Variants in RAB5A observed in about 807,000 individuals in gnomAD.
RAB5A encodes the protein RAB5A, member RAS oncogene family.
Under a neutral mutation model 25.7 loss-of-function variants are expected in RAB5A, and 8 were observed. The ratio of observed to expected loss-of-function variants is 0.31; its 90% confidence interval spans 0.18 to 0.56. The LOEUF (loss-of-function observed/expected upper bound fraction) is 0.56. Ranked by LOEUF, RAB5A falls within the 20% of genes least tolerant of loss-of-function variation. RAB5A has a pLI of 0.91. For synonymous variants in RAB5A, 98 were observed against 89.8 expected (o/e 1.09, Z -0.52); for missense variants, 192 against 259.7 (o/e 0.74, Z 1.79).
chr3:19,984,022 A>G lies in RAB5A; in HGVS notation c.*199A>G, dbSNP rs1408284360. The G allele has an allele frequency of 5.7e-6, 3 of 525,210 alleles. No homozygotes were observed. Among genetic ancestry groups the G allele is most frequent in the African/African-American group, 1.9e-5 (1 of 51,708 alleles). 32.5% of individuals were successfully genotyped at this position (525,210 alleles called of 1,614,324 possible). ...ATGGGTCCCTCTCACTAATGTTTCAACAATAGGGAAAAATGAGAACTATGT... is the reference window on the plus strand; with the variant it reads ...ATGGGTCCCTCTCACTAATGTTTCAGCAATAGGGAAAAATGAGAACTATGT... On this transcript the variant is annotated 3_prime_UTR_variant, in exon 6 of 6. Coordinates refer to ENST00000273047, the MANE Select transcript of RAB5A (RefSeq NM_004162.5).
At chr3:19,953,614 G>A (rs1182681657) in intron 2 of RAB5A, among the ~76,000 whole-genome samples, 2 of 152,084 alleles carry the variant, frequency 1.3e-5, no homozygotes, top group African/African-American at 4.8e-5. Context: ...CACCATGTCG[G>A]TCGGGTTGGT....
intron 2 of RAB5A, among the ~76,000 whole-genome samples, chr3:19,961,146 T>C (rs7627200): frequency 0.85 from 130,141 of 152,224 alleles, 56,819 homozygotes; most frequent in African/African-American, 0.91. Flanking sequence ...AGGACACTTA[T>C]AATAATTACT....
chr3:19,950,074 C>G (rs1421526394), intron 1 of RAB5A, among the ~76,000 whole-genome samples: 1 of 152,084 alleles, frequency 6.6e-6, no homozygotes, highest in Non-Finnish European at 1.5e-5. Flanking sequence ...GTATATTGTT[C>G]GTCTAAAGAC....
chr3:19,975,546 A>G (rs1279907035), intron 2 of RAB5A, 55 bp from the exon 3 acceptor site: 1 of 1,556,848 alleles, frequency 6.4e-7, no homozygotes, highest in East Asian at 2.3e-5. Context: ...TGTTTTCTAT[A>G]TTATGAAAAC....
intron 2 of RAB5A, among the ~76,000 whole-genome samples, chr3:19,973,978 A>G (rs908790149): frequency 1.3e-5 from 2 of 152,160 alleles, no homozygotes; most frequent in African/African-American, 4.8e-5. Flanking sequence ...CAGTTTTAGA[A>G]AATGGTAATT....
chr3:19,951,230 A>C, intron 2 of RAB5A, 169 bp downstream of exon 2: 1 of 638,130 alleles, frequency 1.6e-6, no homozygotes, highest in East Asian at 2.9e-5. Flanking sequence ...TGTTAAAATG[A>C]TGTGTTTTTA....
chr3:19,978,029 T>C (rs1211005301), intron 4 of RAB5A, among the ~76,000 whole-genome samples: 1 of 152,214 alleles, frequency 6.6e-6, no homozygotes, highest in Non-Finnish European at 1.5e-5. Flanking sequence ...CCCCCATCTC[T>C]GGAACTCAGT....
At chr3:19,948,635 A>G (rs1696370913) in intron 1 of RAB5A, among the ~76,000 whole-genome samples, 1 of 152,228 alleles carries the variant, frequency 6.6e-6, no homozygotes, top group East Asian at 1.9e-4. Context: ...TGCTAAGTGT[A>G]TATTTACCAT....
chr3:19,967,493 G>A (rs1033044083), intron 2 of RAB5A, among the ~76,000 whole-genome samples: 8 of 152,134 alleles, frequency 5.3e-5, no homozygotes, highest in African/African-American at 1.9e-4. Flanking sequence ...AGTTGTAGGA[G>A]TTCCTTACAT....
chr3:19,953,288 C>A (rs769211639), intron 2 of RAB5A, among the ~76,000 whole-genome samples: 2 of 152,068 alleles, frequency 1.3e-5, no homozygotes, highest in African/African-American at 2.4e-5. Flanking sequence ...ATATAATCTC[C>A]ATGTAACACC....
chr3:19,971,426 T>C (rs1202207672), intron 2 of RAB5A, among the ~76,000 whole-genome samples: 1 of 151,940 alleles, frequency 6.6e-6, no homozygotes, highest in Non-Finnish European at 1.5e-5. Flanking sequence ...CCCAAAATTA[T>C]GCTTTATCAT....
intron 2 of RAB5A, among the ~76,000 whole-genome samples, chr3:19,966,731 G>C (rs1298827869): frequency 1.3e-5 from 2 of 152,244 alleles, no homozygotes; most frequent in East Asian, 3.9e-4. Context: ...GGTAATTTGT[G>C]GTTTTGATTT....
chr3:19,980,208 C>T (rs1696896756), intron 5 of RAB5A: 1 of 152,148 alleles, frequency 6.6e-6, no homozygotes, highest in Non-Finnish European at 1.5e-5. Flanking sequence ...AGTTAATAGG[C>T]CTCTCAAATC....
At chr3:19,973,983 G>A (rs191873111) in intron 2 of RAB5A, among the ~76,000 whole-genome samples, 47 of 152,182 alleles carry the variant, frequency 3.1e-4, no homozygotes, top group Admixed American at 7.2e-4. Context: ...TTAGAAAATG[G>A]TAATTCAAGT....
intron 2 of RAB5A, among the ~76,000 whole-genome samples, chr3:19,959,991 A>G (rs1696562600): frequency 6.6e-6 from 1 of 152,182 alleles, no homozygotes; most frequent in Non-Finnish European, 1.5e-5. Flanking sequence ...GGCACATGAA[A>G]GACACTTGGT....
In RAB5A at chr3:19,954,318, A is replaced by G. The variant is rs986830591; in HGVS notation, c.163+3257A>G. 7.2e-5 allele frequency among the ~76,000 whole-genome samples: 11 copies of G among 152,140 alleles called. No homozygotes were observed. In the East Asian group the frequency reaches 1.9e-3, roughly 27 times the overall value. On this transcript the variant is annotated intron_variant, in intron 2 of 5. Transcript: ENST00000273047. ...GCGTGAACCTCCACGCCTGGCCTCA[A>G]CTGTTTAATTTTTCACTTTACTGTT...
At chr3:19,962,200 A>T (rs1017107327) in intron 2 of RAB5A, among the ~76,000 whole-genome samples, 1 of 152,192 alleles carries the variant, frequency 6.6e-6, no homozygotes, top group Non-Finnish European at 1.5e-5. Flanking sequence ...GCCTGTACAG[A>T]TTCAAGGGAA....
intron 2 of RAB5A, among the ~76,000 whole-genome samples, chr3:19,968,548 T>C (rs1696692427): frequency 6.6e-6 from 1 of 152,178 alleles, no homozygotes; most frequent in Non-Finnish European, 1.5e-5. Flanking sequence ...AACCTCCGCC[T>C]CCAGGATTTA....
intron 5 of RAB5A, among the ~76,000 whole-genome samples, chr3:19,982,187 A>G (rs192716068): frequency 6.6e-6 from 1 of 152,144 alleles, no homozygotes; most frequent in African/African-American, 2.4e-5. Context: ...GCAGTGAGCT[A>G]TGATTGATGC....
Sources: allele counts gnomAD v4.1 joint callset (sites outside exome capture counted in the v4.1 genomes callset), GRCh38; gene constraint gnomAD v4.1.1; transcripts MANE v1.5; gene names NCBI Gene and HGNC (gene_info 2026-07-23, HGNC 2026-07-21).